RNF19A: variants seen among roughly 807,000 people sequenced by gnomAD.
RNF19A encodes ring finger protein 19A, RBR E3 ubiquitin protein ligase.
Under a neutral mutation model 75.7 loss-of-function variants are expected in RNF19A, and 32 were observed. The ratio of observed to expected loss-of-function variants is 0.42; its 90% CI spans 0.32 to 0.57. The LOEUF is 0.57. RNF19A is among the 20% of genes least tolerant of loss of function. The pLI, the probability that RNF19A is intolerant of heterozygous loss-of-function variation, is 0.10. For synonymous variants in RNF19A, 335 were observed against 345.2 expected (o/e 0.97, Z 0.33); for missense variants, 782 against 1,036.3 (o/e 0.75, Z 3.37).
At chr8:100,286,693 T>TA (rs1205575812) in intron 2 of RNF19A, among the ~76,000 whole-genome samples, 1 of 152,228 alleles carries the variant, frequency 6.6e-6, no homozygotes, top group African/African-American at 2.4e-5. Context: ...TCTGAGATTA[T>TA]ACCCAGATAA....
At chr8:100,335,690 C>T (rs574970458) in intron 1 of RNF19A, among the ~76,000 whole-genome samples, 28 of 152,156 alleles carry the variant, frequency 1.8e-4, no homozygotes, top group Non-Finnish European at 3.7e-4. Context: ...CTAGATGGAG[C>T]CTGATTCTCT....
intron 3 of RNF19A, among the ~76,000 whole-genome samples, chr8:100,271,129 T>C (rs546520180): frequency 7.2e-5 from 11 of 152,022 alleles, no homozygotes; most frequent in Non-Finnish European, 1.0e-4. Flanking sequence ...CAGGTTTCCT[T>C]AGCACTTCTT....
In RNF19A at chr8:100,333,602, C is replaced by G. The variant is rs1474033334; in HGVS notation, c.-243+2506G>C. Among the ~76,000 whole-genome samples, 1 of 152,180 alleles carries G rather than the reference C, an allele frequency of 6.6e-6. No individual in the cohort carries two copies. Among genetic ancestry groups the G allele is most frequent in the Non-Finnish European group, 1.5e-5 (1 of 68,028 alleles). On this transcript the variant is annotated intron_variant, in intron 1 of 3. Coordinates refer to the RNF19A transcript ENST00000519527. The surrounding 1 kb of genome is among the most constrained non-coding windows in gnomAD (Gnocchi z 4.7). ...ATTATGCATAATATTTTTCTGGTTC[C>G]TTTTACTTTTCTGTGTGTTGCCTGG...
upstream of RNF19A, chr8:100,310,251 G>A (rs944607879): frequency 1.0e-6 from 1 of 984,890 alleles, no homozygotes; most frequent in Non-Finnish European, 1.2e-6. Context: ...GGACGCGGCT[G>A]TTCCCTTGCG....
intron 1 of RNF19A, among the ~76,000 whole-genome samples, chr8:100,326,531 A>G (rs1822535567): frequency 1.3e-5 from 2 of 152,212 alleles, no homozygotes; most frequent in African/African-American, 2.4e-5. Flanking sequence ...CTTGCAGTCT[A>G]GTGAGGGAAA....
At chr8:100,304,320 T>C (rs1436258853) in intron 1 of RNF19A, among the ~76,000 whole-genome samples, 1 of 152,210 alleles carries the variant, frequency 6.6e-6, no homozygotes, top group Non-Finnish European at 1.5e-5. Context: ...GATATGGCTA[T>C]GTATACAACC....
rs969751824 is a variant in RNF19A at position 100,258,021 on chromosome 8, T to C, written c.*535A>G. The C allele has an allele frequency of 2.5e-6, 1 of 398,780 alleles. No individual in the cohort carries two copies. The highest frequency in any genetic ancestry group is 3.6e-5 in the East Asian group (1 of 28,002). The allele number at this position is 398,780 out of a possible 1,614,324, so 24.7% of individuals were successfully genotyped here. On this transcript the variant is annotated 3_prime_UTR_variant, in exon 10 of 10. Transcript: ENST00000341084. The surrounding 1 kb of genome is among the most constrained non-coding windows in gnomAD (Gnocchi z 4.3). ...AGTATCCAAATGGTAGCAAATGAGC[T>C]GCATTAAGCTTTATATAACCACATT... is the stretch of plus-strand genomic sequence containing the variant.
rs1822621147 is a variant in RNF19A, at chr8:100,332,240, A to G, written c.-243+3868T>C. The stretch of plus-strand genomic sequence containing the variant: ...TTGAATTGTAATCCCCATAATCCCC[A>G]AGTGTCGAGGGAGGGATGTGGTGGG... On this transcript the variant is annotated intron_variant, in intron 1 of 3. Coordinates refer to the RNF19A transcript ENST00000519527. The surrounding 1 kb of genome is among the most constrained non-coding windows in gnomAD (Gnocchi z 4.8). Among the ~76,000 whole-genome samples the G allele has an allele frequency of 6.6e-6, 1 of 152,058 alleles. No homozygotes were observed. Among genetic ancestry groups the G allele is most frequent in the Non-Finnish European group, 1.5e-5 (1 of 68,010 alleles).
intron 1 of RNF19A, among the ~76,000 whole-genome samples, chr8:100,300,831 A>G (rs894601454): frequency 1.3e-5 from 2 of 152,222 alleles, no homozygotes; most frequent in Non-Finnish European, 2.9e-5. Context: ...AAACAGAGTG[A>G]GTCTTTTAAG....
intron 1 of RNF19A, among the ~76,000 whole-genome samples, chr8:100,316,893 G>A (rs971361878): frequency 3.9e-5 from 6 of 152,352 alleles, no homozygotes; most frequent in Admixed American, 2.0e-4. Context: ...CAGGCATGGC[G>A]GGCTGCAGGT....
At chr8:100,320,327 A>G (rs114539548) in intron 1 of RNF19A, among the ~76,000 whole-genome samples, 2,195 of 152,302 alleles carry the variant, frequency 0.014, 55 homozygotes, top group African/African-American at 0.049. Flanking sequence ...TTCAAGATCT[A>G]CCCATGTTGA....
Position 100,261,499 on chromosome 8 carries a change from G to T in RNF19A, c.1682+43C>A. On this transcript the variant is annotated intron_variant, in intron 8 of 9. Transcript: ENST00000341084. This position sits in a 1 kb window ranked among gnomAD's most constrained non-coding sequence, Gnocchi z 4.4. ...AAAATTCTCACCTAATTAATAATTT[G>T]TAGTTACCAGAAAGCAGAACCAAAC... 2.0e-6 allele frequency: 3 copies of T among 1,467,354 alleles called. No individual in the cohort carries two copies. Among genetic ancestry groups the T allele is most frequent in the South Asian group, 1.1e-5 (1 of 88,002 alleles). 90.9% of individuals were successfully genotyped at this position (1,467,354 alleles called of 1,614,324 possible). A position where few individuals can be genotyped will look rare whatever the true frequency, so the allele number is the denominator to read the frequency against.
rs1335291612 is a variant in RNF19A, at chr8:100,333,903, TTTAAA to T, written c.-243+2200_-243+2204del. On this transcript the variant is annotated intron_variant, in intron 1 of 3. Coordinates refer to the RNF19A transcript ENST00000519527. The surrounding 1 kb of genome is among the most constrained non-coding windows in gnomAD (Gnocchi z 4.7). ...ACTCCCTGTTCCCTACAGCATGATG[TTTAAA>T]TTATTCAGTCTAGTACCCCGATATT... Among the ~76,000 whole-genome samples, 2 of 152,216 alleles carry T rather than the reference TTTAAA, an allele frequency of 1.3e-5. No homozygotes were observed. Among genetic ancestry groups the T allele is most frequent in the Non-Finnish European group, 2.9e-5 (2 of 68,038 alleles).
rs939222878 is a variant in RNF19A, at chr8:100,333,049, A to C, written c.-243+3059T>G. 2.0e-5 allele frequency among the ~76,000 whole-genome samples: 3 copies of C among 151,926 alleles called. No homozygotes were observed. The highest frequency in any genetic ancestry group is 6.6e-5 in the Admixed American group (1 of 15,260). On this transcript the variant is annotated intron_variant, in intron 1 of 3. Coordinates refer to the RNF19A transcript ENST00000519527. This position sits in a 1 kb window ranked among gnomAD's most constrained non-coding sequence, Gnocchi z 4.7. ...ACCCTCAGTATATTGCTAACTCTTA[A>C]AATTTGTTCCTTCTTACCATTTCTA...
intron 1 of RNF19A, among the ~76,000 whole-genome samples, chr8:100,308,689 TAA>T (rs60819091): frequency 8.7e-5 from 13 of 149,106 alleles, no homozygotes; most frequent in South Asian, 4.2e-4. Context: ...CCATGTTCTT[TAA>T]AAAAAAAAAA....
intron 5 of RNF19A, among the ~76,000 whole-genome samples, chr8:100,265,076 C>A (rs752243895): frequency 6.6e-6 from 1 of 152,076 alleles, no homozygotes; most frequent in Non-Finnish European, 1.5e-5. Flanking sequence ...AATTATGTAT[C>A]GAGCAAAGAG....
At chr8:100,334,814 C>T (rs1490794949) in intron 1 of RNF19A, among the ~76,000 whole-genome samples, 1 of 152,142 alleles carries the variant, frequency 6.6e-6, no homozygotes, top group African/African-American at 2.4e-5. Context: ...TTAGATAAGT[C>T]CTTTGACATC....
chr8:100,327,810 T>C (rs1244410278), intron 1 of RNF19A, among the ~76,000 whole-genome samples: 1 of 152,242 alleles, frequency 6.6e-6, no homozygotes, highest in African/African-American at 2.4e-5. Context: ...CCATGGATGG[T>C]TCTGCTTCAC....
At chr8:100,335,768 C>T (rs1361208025) in intron 1 of RNF19A, among the ~76,000 whole-genome samples, 3 of 152,204 alleles carry the variant, frequency 2.0e-5, no homozygotes, top group Admixed American at 1.3e-4. Context: ...CGGTGGCCGC[C>T]TGTCCCTAGG....
Sources: gnomAD v4.1 joint callset for allele counts (sites outside exome capture counted in the v4.1 genomes callset) on GRCh38, gnomAD v4.1.1 for gene constraint, Gnocchi (gnomAD v3.1) non-coding constraint, MANE v1.5 for transcripts, NCBI Gene and HGNC (gene_info 2026-07-23, HGNC 2026-07-21) for gene names.